Variants in ASAP1 observed in about 807,000 individuals in gnomAD.
ASAP1 encodes the protein ArfGAP with SH3 domain, ankyrin repeat and PH domain 1.
ASAP1 carries 43 observed loss-of-function variants against 145.2 expected under a neutral mutation model. The ratio of observed to expected loss-of-function variants is 0.30; its 90% CI spans 0.23 to 0.38. The LOEUF (loss-of-function observed/expected upper bound fraction) is 0.38, where lower values mean the gene tolerates loss of function less well. Among genes scored for constraint, ASAP1 ranks in the 10% least tolerant of loss-of-function variants. The pLI is 1.00. For missense variants in ASAP1, 1,018 were observed against 1,355.3 expected (o/e 0.75, Z 3.91); for synonymous variants, 546 against 515.5 (o/e 1.06, Z -0.80).
intron 24 of ASAP1, among the ~76,000 whole-genome samples, chr8:130,102,652 G>GA (rs1310195454): frequency 6.6e-6 from 1 of 151,984 alleles, no homozygotes. Flanking sequence ...AATTTTTTTG[G>GA]AACAGTTTAA....
intron 2 of ASAP1, among the ~76,000 whole-genome samples, chr8:130,398,276 C>T (rs765476857): frequency 9.2e-5 from 14 of 152,238 alleles, no homozygotes; most frequent in Non-Finnish European, 1.9e-4. Flanking sequence ...CTTCAAGTCG[C>T]TATCCCCTAC....
chr8:130,120,315 A>G (rs1405965011), intron 18 of ASAP1, among the ~76,000 whole-genome samples: 1 of 152,240 alleles, frequency 6.6e-6, no homozygotes, highest in African/African-American at 2.4e-5. Context: ...GTGTTGATGG[A>G]TGGAGCAGCA....
intron 4 of ASAP1, among the ~76,000 whole-genome samples, chr8:130,230,619 G>A (rs1379802684): frequency 6.6e-6 from 1 of 151,890 alleles, no homozygotes; most frequent in Non-Finnish European, 1.5e-5. Context: ...ATGCCTTGAA[G>A]GCCCAAAGAA....
chr8:130,061,207 C>G, intron 27 of ASAP1, 138 bp from the exon 28 acceptor site: 1 of 1,011,156 alleles, frequency 9.9e-7, no homozygotes, highest in Non-Finnish European at 1.4e-6. Flanking sequence ...AGGGGCCAGG[C>G]CCACCCAGGC....
chr8:130,172,756 G>T (rs1267438352), intron 9 of ASAP1, among the ~76,000 whole-genome samples: 4 of 152,054 alleles, frequency 2.6e-5, no homozygotes, highest in Non-Finnish European at 4.4e-5. Context: ...AAATACTGAA[G>T]AACACATTAT....
intron 1 of ASAP1, among the ~76,000 whole-genome samples, chr8:130,420,295 T>C (rs1829667495): frequency 6.7e-6 from 1 of 149,912 alleles, no homozygotes; most frequent in East Asian, 2.0e-4. Context: ...CAATAACAAG[T>C]CTTGGCGAGG....
At chr8:130,295,035 G>A (rs1410038035) in intron 3 of ASAP1, among the ~76,000 whole-genome samples, 1 of 152,138 alleles carries the variant, frequency 6.6e-6, no homozygotes, top group African/African-American at 2.4e-5. Context: ...AGGCTGAGGT[G>A]GGAGGATTGC....
intron 1 of ASAP1, among the ~76,000 whole-genome samples, chr8:130,421,468 T>A (rs1189659402): frequency 6.6e-6 from 1 of 152,232 alleles, no homozygotes; most frequent in Non-Finnish European, 1.5e-5. Flanking sequence ...CCCTTGCAGC[T>A]GGGTGTGACC....
In ASAP1 at chr8:130,180,255, G is replaced by A. The variant is rs144371956; in HGVS notation, c.660+496C>T. The stretch of plus-strand genomic sequence containing the variant: ...CCGTGTCAGAACAGGTTGGTTTCTA[G>A]GTCAAGAAGTGTTCATGTTCAATTG... On this transcript the variant is annotated intron_variant, in intron 8 of 29. Transcript: ENST00000518721. Among the ~76,000 whole-genome samples the A allele has an allele frequency of 1.3e-3, 193 of 152,304 alleles. 1 individual carries two copies. Among genetic ancestry groups the A allele is most frequent in the Non-Finnish European group, 2.2e-3 (152 of 68,018 alleles).
At chr8:130,386,831 C>T (rs1159607840) in intron 2 of ASAP1, 4 of 152,144 alleles carry the variant, frequency 2.6e-5, no homozygotes, top group Non-Finnish European at 5.9e-5. Flanking sequence ...CATGGCTCAG[C>T]CAAAAACTGT....
intron 4 of ASAP1, among the ~76,000 whole-genome samples, 173 bp downstream of exon 4, chr8:130,236,749 T>C (rs1006851722): frequency 6.6e-6 from 1 of 152,188 alleles, no homozygotes; most frequent in Non-Finnish European, 1.5e-5. Context: ...TTGGAAACAC[T>C]AATAGGTTTG....
chr8:130,103,057 T>C (rs1198468467), intron 24 of ASAP1, among the ~76,000 whole-genome samples: 1 of 152,198 alleles, frequency 6.6e-6, no homozygotes, highest in Non-Finnish European at 1.5e-5. Context: ...TGGAGTTTTC[T>C]TTGTTGGGAG....
At chr8:130,153,085 T>C (rs1171369633) in intron 12 of ASAP1, among the ~76,000 whole-genome samples, 1 of 151,624 alleles carries the variant, frequency 6.6e-6, no homozygotes, top group Non-Finnish European at 1.5e-5. Context: ...AGTGGCATGA[T>C]CTCGGCTCAC....
intron 25 of ASAP1, among the ~76,000 whole-genome samples, chr8:130,086,060 G>A (rs1390685204): frequency 6.6e-6 from 1 of 152,236 alleles, no homozygotes; most frequent in Non-Finnish European, 1.5e-5. Flanking sequence ...AGCAGAGCTT[G>A]TGCTGCTTGC....
chr8:130,180,659 G>A, intron 8 of ASAP1, 92 bp downstream of exon 8: 1 of 1,401,408 alleles, frequency 7.1e-7, no homozygotes, highest in Non-Finnish European at 9.7e-7. Flanking sequence ...TAATCAAACA[G>A]AGTCTGCCTT....
In ASAP1 at chr8:130,348,326, G is replaced by A. The variant is rs1007987656; in HGVS notation, c.186+9691C>T. Among the ~76,000 whole-genome samples, 4 of 152,270 alleles carry A rather than the reference G, an allele frequency of 2.6e-5. 1 individual carries two copies. Among genetic ancestry groups the A allele is most frequent in the Admixed American group, 6.5e-5 (1 of 15,304 alleles). On this transcript the variant is annotated intron_variant, in intron 3 of 29. Coordinates refer to ENST00000518721, the MANE Select transcript of ASAP1 (RefSeq NM_018482.4). ...TAATAGTTGGTGCCAAAATGCAGTC[G>A]TCTTTTGGGCTTTACCTCCTTGGCA...
intron 24 of ASAP1, among the ~76,000 whole-genome samples, chr8:130,097,766 TC>T (rs2097521741): frequency 6.6e-6 from 1 of 152,036 alleles, no homozygotes; most frequent in Non-Finnish European, 1.5e-5. Flanking sequence ...CCTGAGACTC[TC>T]TCCCAGGAAC....
chr8:130,426,547 T>A (rs1470527867), intron 1 of ASAP1, among the ~76,000 whole-genome samples: 1 of 152,092 alleles, frequency 6.6e-6, no homozygotes, highest in Non-Finnish European at 1.5e-5. Flanking sequence ...CCCCACCCCA[T>A]CAACCTTTTC....
At position 130,052,216 on chromosome 8, in the gene ASAP1, C is replaced by G. The variant is rs1262678091; in HGVS notation, c.*2515G>C. On this transcript the variant is annotated 3_prime_UTR_variant, in exon 30 of 30. Transcript: ENST00000518721. ...GTCACATTAAACACATGTGAAATGACAAGTGTACTGATGTTTGATGGTAAC... is the reference window on the plus strand; with the variant it reads ...GTCACATTAAACACATGTGAAATGAGAAGTGTACTGATGTTTGATGGTAAC... The G allele has an allele frequency of 2.0e-5, 3 of 152,594 alleles. No individual in the cohort carries two copies. The highest frequency in any genetic ancestry group is 4.4e-5 in the Non-Finnish European group (3 of 68,040). 9.5% of individuals were successfully genotyped at this position (152,594 alleles called of 1,614,324 possible). A position where few individuals can be genotyped will look rare whatever the true frequency, so the allele number is the denominator to read the frequency against.
Sources: gnomAD v4.1 joint callset for allele counts (sites outside exome capture counted in the v4.1 genomes callset) on GRCh38, gnomAD v4.1.1 for gene constraint, MANE v1.5 for transcripts, NCBI Gene and HGNC (gene_info 2026-07-23, HGNC 2026-07-21) for gene names.